SORL1: variants seen among roughly 807,000 people sequenced by gnomAD.
SORL1 encodes the protein sortilin related receptor 1, also known as sortilin-related receptor.
SORL1 carries 127 observed loss-of-function variants against 273.7 expected under a neutral mutation model. The observed-to-expected ratio is 0.46, with a 90% confidence interval of 0.40 to 0.54. The LOEUF (loss-of-function observed/expected upper bound fraction) is 0.54, where lower values mean the gene tolerates loss of function less well. Ranked by LOEUF, SORL1 falls within the 20% of genes least tolerant of loss-of-function variation. The pLI is 0.00. For missense variants in SORL1, 2,494 were observed against 2,846.1 expected, an observed-to-expected ratio of 0.88 and a Z score of 2.81; for synonymous variants, 1,031 against 1,067.4, an observed-to-expected ratio of 0.97 and a Z score of 0.66.
rs373600318 is a variant in SORL1, at chr11:121,619,734, G to A, written c.5725-19G>A. On this transcript the variant is annotated intron_variant, in intron 42 of 47. Coordinates refer to ENST00000260197, the MANE Select transcript of SORL1 (RefSeq NM_003105.6). ...GGCCATGATGTATTTTTTTTCCTAC[G>A]TGTGTGCTTGGGCTTCAGGTCCGTG... 5 of 1,589,996 alleles carry A rather than the reference G, an allele frequency of 3.1e-6. No homozygotes were observed. The highest frequency in any genetic ancestry group is 4.5e-5 in the East Asian group (2 of 44,234).
intron 37 of SORL1, 90 bp from the exon 38 acceptor site, chr11:121,608,014 C>G (rs1863504635): frequency 8.4e-7 from 1 of 1,184,222 alleles, no homozygotes; most frequent in South Asian, 1.3e-5. Context: ...CTGCCAAAAT[C>G]TCACCCCTTT....
At chr11:121,557,045 T>C (rs1862597698) in intron 18 of SORL1, 1 of 496,362 alleles carries the variant, frequency 2.0e-6, no homozygotes, top group Non-Finnish European at 3.6e-6. Context: ...TTGATACTGC[T>C]TTGTCCAGAT....
At chr11:121,625,337 T>C in intron 46 of SORL1, 60 bp downstream of exon 46, 2 of 1,335,588 alleles carry the variant, frequency 1.5e-6, no homozygotes, top group South Asian at 1.3e-5. Flanking sequence ...AAGAATGTCA[T>C]ATGGTTTCAT....
intron 5 of SORL1, among the ~76,000 whole-genome samples, chr11:121,495,263 T>G (rs1430637179): frequency 6.6e-6 from 1 of 152,178 alleles, no homozygotes; most frequent in Non-Finnish European, 1.5e-5. Flanking sequence ...TAAATTTATT[T>G]TTTGTAGAGG....
At position 121,602,465 on chromosome 11, in the gene SORL1, C is replaced by T. The variant is rs866722441; in HGVS notation, c.4520-1728C>T. ...AGTGGTCTGCATGTCTTCTCACCACCTCCCCCATCCTTGTATCTTTTCACC... is the reference window on the plus strand; with the variant it reads ...AGTGGTCTGCATGTCTTCTCACCACTTCCCCCATCCTTGTATCTTTTCACC... On this transcript the variant is annotated intron_variant, in intron 32 of 47. Coordinates refer to ENST00000260197, the MANE Select transcript of SORL1 (RefSeq NM_003105.6). Among the ~76,000 whole-genome samples the T allele has an allele frequency of 2.6e-5, 4 of 152,326 alleles. No individual in the cohort carries two copies. The Middle Eastern group carries it at 0.01, about 389-fold the overall frequency.
chr11:121,532,103 G>C (rs995890644), intron 11 of SORL1, among the ~76,000 whole-genome samples: 1 of 152,224 alleles, frequency 6.6e-6, no homozygotes, highest in Non-Finnish European at 1.5e-5. Context: ...GGCTAATACT[G>C]TCATAGTAGA....
intron 4 of SORL1, among the ~76,000 whole-genome samples, chr11:121,488,662 G>A (rs1342634642): frequency 1.3e-5 from 2 of 152,128 alleles, no homozygotes; most frequent in East Asian, 1.9e-4. Flanking sequence ...CTTCGAGTGC[G>A]TGCGTGTGTA....
At chr11:121,629,150 C>CTAG (rs149912322) in intron 47 of SORL1, 3,003 of 251,938 alleles carry the variant, frequency 0.012, 67 homozygotes, top group African/African-American at 0.048. Flanking sequence ...GTTCACTGTG[C>CTAG]TAGTGTAGGG....
chr11:121,525,841 G>A (rs1030034042), intron 11 of SORL1, among the ~76,000 whole-genome samples: 1 of 152,116 alleles, frequency 6.6e-6, no homozygotes, highest in Admixed American at 6.5e-5. Flanking sequence ...TGGAGCCATG[G>A]GCAACATAGG....
rs1242978018 is a variant in SORL1 at position 121,596,124 on chromosome 11, T to A, written c.4519+352T>A. 1.3e-5 allele frequency among the ~76,000 whole-genome samples: 2 copies of A among 152,250 alleles called. No homozygotes were observed. Among genetic ancestry groups the A allele is most frequent in the Admixed American group, 6.5e-5 (1 of 15,290 alleles). On this transcript the variant is annotated intron_variant, in intron 32 of 47. Coordinates refer to ENST00000260197, the MANE Select transcript of SORL1 (RefSeq NM_003105.6). The surrounding 1 kb of genome is among the most constrained non-coding windows in gnomAD (Gnocchi z 4.3). ...ACTCTTCTGTATGTACATTCATTCT[T>A]CTGGAAGTATTTAGTGAGCACTTAC...
chr11:121,517,223 G>A (rs913233096), intron 8 of SORL1, among the ~76,000 whole-genome samples: 6 of 152,060 alleles, frequency 3.9e-5, no homozygotes, highest in South Asian at 2.1e-4. Context: ...CCATTAAGCC[G>A]CTTCTCTCCA....
At chr11:121,479,045 A>C (rs1591554090) in intron 3 of SORL1, among the ~76,000 whole-genome samples, 1 of 151,822 alleles carries the variant, frequency 6.6e-6, no homozygotes, top group East Asian at 1.9e-4. Context: ...TGTTGGTGCA[A>C]CCCTCTGTCC....
Position 121,595,472 on chromosome 11 carries a change from C to A in SORL1, c.4370-151C>A. The A allele has an allele frequency of 2.9e-6, 2 of 695,902 alleles. No homozygotes were observed. The highest frequency in any genetic ancestry group is 4.8e-6 in the Non-Finnish European group (2 of 412,836). 43.1% of individuals were successfully genotyped at this position (695,902 alleles called of 1,614,324 possible). A position where few individuals can be genotyped will look rare whatever the true frequency, so the allele number is the denominator to read the frequency against. ...GGGAAGCAACATTAGATGTCTGTAT[C>A]TACTCTGCTCTCTATCCGGAACTCG... On this transcript the variant is annotated intron_variant, in intron 31 of 47. Transcript: ENST00000260197. This position sits in a 1 kb window ranked among gnomAD's most constrained non-coding sequence, Gnocchi z 5.1.
chr11:121,622,293 G>A (rs769909982), intron 45 of SORL1, 25 bp downstream of exon 45: 22 of 1,308,626 alleles, frequency 1.7e-5, no homozygotes, highest in Admixed American at 5.2e-5. Context: ...CATTCTCAAT[G>A]ACTTTGGAAA....
intron 23 of SORL1, among the ~76,000 whole-genome samples, chr11:121,570,560 C>A (rs190461212): frequency 6.7e-4 from 102 of 152,248 alleles, no homozygotes; most frequent in Admixed American, 1.3e-3. Flanking sequence ...ATTGATTTGG[C>A]AATCTGGGCT....
intron 22 of SORL1, among the ~76,000 whole-genome samples, chr11:121,568,474 A>G (rs575190496): frequency 7.2e-5 from 11 of 152,324 alleles, no homozygotes; most frequent in Admixed American, 4.6e-4. Flanking sequence ...CAATCATCGC[A>G]TGTCCTTGAT....
intron 6 of SORL1, among the ~76,000 whole-genome samples, chr11:121,502,924 C>G (rs907811284): frequency 5.3e-5 from 8 of 152,070 alleles, no homozygotes; most frequent in Non-Finnish European, 1.2e-4. Context: ...GGCTGGAGTA[C>G]AGCGGAGCGA....
chr11:121,627,669 C>T lies in SORL1; in HGVS notation c.6479C>T (p.Thr2160Met), dbSNP rs372203239. Residue 2160 changes from threonine (T) to methionine (M), a missense_variant, in exon 47 of 48, where the codon ACG (threonine) becomes ATG (methionine). By Grantham distance (81) the Thr-to-Met change is moderately conservative. This residue lies in a region of SORL1 where 1,609 missense variants were observed against 1,816.4 expected (regional missense o/e 0.89). Transcript: ENST00000260197. This position sits in a 1 kb window ranked among gnomAD's most constrained non-coding sequence, Gnocchi z 4.9. ...SLGVGFAILYTKHRRLQSSFT... is the reference protein window; with the variant it reads ...SLGVGFAILYMKHRRLQSSFT... ...GGGGTGGGGTTTGCCATCCTGTACA[C>T]GAAGCACCGGAGGCTGCAGAGCAGC... 152 of 1,614,086 alleles carry T rather than the reference C, an allele frequency of 9.4e-5. 1 individual carries two copies. The highest frequency in any genetic ancestry group is 8.5e-4 in the South Asian group (77 of 91,082).
Position 121,591,035 on chromosome 11 carries a change from C to T in SORL1, c.4248C>T (p.Pro1416=), listed in dbSNP as rs1194079663. The T allele has an allele frequency of 1.6e-5, 26 of 1,614,130 alleles. No homozygotes were observed. Among genetic ancestry groups the T allele is most frequent in the African/African-American group, 2.7e-5 (2 of 74,952 alleles). The change falls in exon 31 of 48, where the codon CCC becomes CCT. Residue 1416 remains proline (P), a synonymous_variant. Coordinates refer to ENST00000260197, the MANE Select transcript of SORL1 (RefSeq NM_003105.6). The part of the protein sequence containing the change: ...SHILPFSTPG[P]STCLPNYYRC... ...TTCTTCCCTTCTCGACTCCTGGGCC[C>T]TCCACGTGTCTGCCCAATTACTACC...
Sources: allele counts gnomAD v4.1 joint callset (sites outside exome capture counted in the v4.1 genomes callset), GRCh38; gene constraint gnomAD v4.1.1; regional missense constraint gnomAD v4.1.1; non-coding constraint Gnocchi (gnomAD v3.1); transcripts MANE v1.5; gene names NCBI Gene and HGNC (gene_info 2026-07-23, HGNC 2026-07-21).